Variants in NDUFB7 observed in about 807,000 individuals in gnomAD.
NDUFB7 encodes NADH:ubiquinone oxidoreductase subunit B7.
A neutral mutation model predicts 14.7 loss-of-function variants in NDUFB7; 18 were observed. The observed-to-expected ratio is 1.22, with a 90% CI of 0.85 to 1.81. NDUFB7 has a LOEUF of 1.81. Among genes scored for constraint, NDUFB7 ranks in the 40% most tolerant of loss-of-function variants. NDUFB7 has a pLI of 0.00. For missense variants in NDUFB7, 219 were observed against 195.0 expected (o/e 1.12, Z -0.73); for synonymous variants, 86 against 76.1 (o/e 1.13, Z -0.68).
At position 14,567,652 on chromosome 19, in the gene NDUFB7, C is replaced by T. The variant is rs769571354; in HGVS notation, c.113-719G>A. Among the ~76,000 whole-genome samples the T allele has an allele frequency of 1.3e-5, 2 of 152,082 alleles. No homozygotes were observed. The highest frequency in any genetic ancestry group is 2.1e-4 in the South Asian group (1 of 4,824). On this transcript the variant is annotated intron_variant, in intron 1 of 2. Coordinates refer to ENST00000215565, the MANE Select transcript of NDUFB7 (RefSeq NM_004146.6). The surrounding 1 kb of genome is among the most constrained non-coding windows in gnomAD (Gnocchi z 5.1). The stretch of plus-strand genomic sequence containing the variant: ...AGCCTGTGCCTGGCGATCCTGCACT[C>T]GTTCCCCACCGCCTCCCTCAGACCC...
chr19:14,566,842 C>G lies in NDUFB7; in HGVS notation c.204G>C (p.Lys68Asn). 1 of 1,562,094 alleles carries G rather than the reference C, an allele frequency of 6.4e-7. No homozygotes were observed. The highest frequency in any genetic ancestry group is 8.7e-7 in the Non-Finnish European group (1 of 1,154,932). ...YCAHHLIRLL[K>N]CKRDSFPNFL... ...AGTTGGGGAAGCTGTCACGCTTGCA[C>G]TTGAGCAGCCGGATGAGGTGGTGGG... Residue 68 changes from lysine to asparagine, a missense_variant, in exon 2 of 3, where the codon AAG becomes AAC. Coordinates refer to ENST00000215565, the MANE Select transcript of NDUFB7 (RefSeq NM_004146.6).
In NDUFB7 at chr19:14,566,910, T is replaced by C. The variant is rs1568436798; in HGVS notation, c.136A>G (p.Met46Val). ...TGGAGCCTCAGCTGCGCGTCCATCA[T>C]CTCCTGCTGTGTGGCCACCATCTCT... ...EREMVATQQE[M>V]MDAQLRLQLR... Residue 46 changes from methionine (M) to valine (V), a missense_variant, in exon 2 of 3, where the codon ATG (methionine) becomes GTG (valine). Physicochemically the swap from Met to Val is conservative, Grantham distance 21. Transcript: ENST00000215565. The C allele has an allele frequency of 1.3e-6, 2 of 1,584,886 alleles. No homozygotes were observed. The highest frequency in any genetic ancestry group is 1.8e-5 in the Admixed American group (1 of 56,936).
rs1490605031 is a variant in NDUFB7, at chr19:14,567,463, C to A, written c.113-530G>T. On this transcript the variant is annotated intron_variant, in intron 1 of 2. Transcript: ENST00000215565. This position sits in a 1 kb window ranked among gnomAD's most constrained non-coding sequence, Gnocchi z 5.1. ...GTCATGGAAGTTACCCGAGCATCCA[C>A]TGAGCTAACAGTACCTGTAAGGTAC... Among the ~76,000 whole-genome samples, 1 of 152,162 alleles carries A rather than the reference C, an allele frequency of 6.6e-6. No individual in the cohort carries two copies. The highest frequency in any genetic ancestry group is 3.2e-3 in the Middle Eastern group (1 of 316).
At chr19:14,568,833 T>C (rs1821986536) in intron 1 of NDUFB7, among the ~76,000 whole-genome samples, 1 of 151,986 alleles carries the variant, frequency 6.6e-6, no homozygotes, top group African/African-American at 2.4e-5. Flanking sequence ...ACCACCCCAC[T>C]GCACTCCAGC....
chr19:14,570,055 C>T (rs962724541), intron 1 of NDUFB7, among the ~76,000 whole-genome samples: 2 of 151,906 alleles, frequency 1.3e-5, no homozygotes, highest in African/African-American at 2.4e-5. Flanking sequence ...CCACACCTGG[C>T]TAATTTTTGT....
rs1484224511 is a variant in NDUFB7, at chr19:14,567,975, C to T, written c.113-1042G>A. Among the ~76,000 whole-genome samples, 2 of 152,300 alleles carry T rather than the reference C, an allele frequency of 1.3e-5. No homozygotes were observed. Among genetic ancestry groups the T allele is most frequent in the African/African-American group, 2.4e-5 (1 of 41,572 alleles). ...CCCGCTTCCTTCTTTCCTGTGGCTC[C>T]TCCCACATCCCTCCTCCCCAGGTTT... On this transcript the variant is annotated intron_variant, in intron 1 of 2. Coordinates refer to ENST00000215565, the MANE Select transcript of NDUFB7 (RefSeq NM_004146.6). This position sits in a 1 kb window ranked among gnomAD's most constrained non-coding sequence, Gnocchi z 5.1.
chr19:14,566,628 G>A (rs1001582747), intron 2 of NDUFB7, 137 bp downstream of exon 2: 5 of 788,728 alleles, frequency 6.3e-6, no homozygotes, highest in Non-Finnish European at 7.9e-6. Flanking sequence ...GGTGCAGGCT[G>A]TGGGTGTTGG....
rs1436514580 is a variant in NDUFB7, at chr19:14,566,136, C to CAGGG, written c.407_410dup (p.Ter138ProfsTer?). 1.2e-6 allele frequency: 2 copies of CAGGG among 1,610,054 alleles called. No individual in the cohort carries two copies. The highest frequency in any genetic ancestry group is 2.7e-5 in the African/African-American group (2 of 74,884). On this transcript the variant is annotated frameshift_variant, in exon 3 of 3. Transcript: ENST00000215565. LOFTEE classifies it high-confidence loss of function. ...CATAGGGTGGGGGGTGCACCCCCTA[C>CAGGG]AGGGCCACCTTGGGGTCCACTTCCC... is the stretch of plus-strand genomic sequence containing the variant.
At position 14,566,154 on chromosome 19, in the gene NDUFB7, C is replaced by G; in HGVS notation, c.393G>C (p.Val131=). The G allele has an allele frequency of 1.2e-6, 2 of 1,612,476 alleles. No homozygotes were observed. The highest frequency in any genetic ancestry group is 2.2e-5 in the South Asian group (2 of 90,832). The part of the protein sequence containing the change: ...ELAKGQGPGE[V]DPKVAL ...CCCCCTACAGGGCCACCTTGGGGTC[C>G]ACTTCCCCGGGTCCCTGGCCTTTGG... The change falls in exon 3 of 3, where the codon GTG becomes GTC. Residue 131 remains valine, a synonymous_variant. Coordinates refer to ENST00000215565, the MANE Select transcript of NDUFB7 (RefSeq NM_004146.6).
At position 14,566,880 on chromosome 19, in the gene NDUFB7, G is replaced by C. The variant is rs1360890993; in HGVS notation, c.166C>G (p.Arg56Gly). The stretch of plus-strand genomic sequence containing the variant: ...ATGAGGTGGTGGGCGCAGTAGTCCC[G>C]CAGCTGGAGCCTCAGCTGCGCGTCC... ...MMDAQLRLQL[R>G]DYCAHHLIRL... Residue 56 changes from arginine (R) to glycine (G), a missense_variant, in exon 2 of 3, where the codon CGG becomes GGG. Arg to Gly is a moderately radical substitution (Grantham distance 125). Transcript: ENST00000215565. The C allele has an allele frequency of 6.3e-7, 1 of 1,579,008 alleles. No individual in the cohort carries two copies. The highest frequency in any genetic ancestry group is 8.6e-7 in the Non-Finnish European group (1 of 1,165,542).
Position 14,567,818 on chromosome 19 carries a change from G to A in NDUFB7, c.113-885C>T, listed in dbSNP as rs1180075533. On this transcript the variant is annotated intron_variant, in intron 1 of 2. Transcript: ENST00000215565. The surrounding 1 kb of genome is among the most constrained non-coding windows in gnomAD (Gnocchi z 5.1). ...TCTCTCCCCTTTGCTTCCCAGCTGC[G>A]ATTCTCTCATCCCACTGAGGCCCAG... Among the ~76,000 whole-genome samples, 1 of 152,028 alleles carries A rather than the reference G, an allele frequency of 6.6e-6. No individual in the cohort carries two copies. Among genetic ancestry groups the A allele is most frequent in the African/African-American group, 2.4e-5 (1 of 41,388 alleles).
chr19:14,571,832 G>C (rs1042942827), intron 1 of NDUFB7, 57 bp downstream of exon 1: 1 of 1,516,986 alleles, frequency 6.6e-7, no homozygotes, highest in African/African-American at 1.4e-5. Flanking sequence ...TGGGGTGCCA[G>C]GTGTTCAGGC....
chr19:14,571,152 G>T (rs1245962996), intron 1 of NDUFB7, among the ~76,000 whole-genome samples: 2 of 152,050 alleles, frequency 1.3e-5, no homozygotes, highest in Non-Finnish European at 2.9e-5. Flanking sequence ...GCAAGATCCC[G>T]TCTCAAAGCA....
chr19:14,566,682 C>A, intron 2 of NDUFB7, 83 bp downstream of exon 2: 1 of 1,059,518 alleles, frequency 9.4e-7, no homozygotes, highest in Non-Finnish European at 1.2e-6. Flanking sequence ...ATGTGGGGGG[C>A]TTGGGTGGGC....
chr19:14,568,382 TGA>T (rs2074105798), intron 1 of NDUFB7, among the ~76,000 whole-genome samples: 1 of 152,192 alleles, frequency 6.6e-6, no homozygotes, highest in Non-Finnish European at 1.5e-5. Flanking sequence ...CGTATGTAGA[TGA>T]GCCCGATGTG....
Position 14,566,230 on chromosome 19 carries a change from C to G in NDUFB7, c.317G>C (p.Arg106Pro). 6.2e-7 allele frequency: 1 copy of G among 1,614,078 alleles called. No individual in the cohort carries two copies. Among genetic ancestry groups the G allele is most frequent in the Non-Finnish European group, 8.5e-7 (1 of 1,180,014 alleles). Residue 106 changes from arginine to proline, a missense_variant, in exon 3 of 3, where the codon CGG (arginine) becomes CCG (proline). Physicochemically the swap from Arg to Pro is moderately radical, Grantham distance 103 (BLOSUM62 -2). Coordinates refer to ENST00000215565, the MANE Select transcript of NDUFB7 (RefSeq NM_004146.6). Reference sequence around the variant, plus strand: ...CCGCTTCTTCCGCTGGAGCAGCCTCCGCTCCCGCTCAAACTCCTTCATGCG... The same window carrying G: ...CCGCTTCTTCCGCTGGAGCAGCCTCGGCTCCCGCTCAAACTCCTTCATGCG... ...VMRMKEFERE[R>P]RLLQRKKRRE...
Position 14,571,946 on chromosome 19 carries a change from G to C in NDUFB7, c.55C>G (p.Pro19Ala), listed in dbSNP as rs373549498. The change falls in exon 1 of 3, where the codon CCC becomes GCC. Residue 19 changes from proline to alanine, a missense_variant. Transcript: ENST00000215565. ...GGCGGGAAGGTTGGCATCTGCAGGG[G>C]GTCGGGCTCCACCGAGGCATCGCCC... ...YLGDASVEPDPLQMPTFPPDY... is the reference protein window; with the variant it reads ...YLGDASVEPDALQMPTFPPDY... 1.2e-6 allele frequency: 2 copies of C among 1,611,820 alleles called. No homozygotes were observed. Among genetic ancestry groups the C allele is most frequent in the Admixed American group, 1.7e-5 (1 of 59,718 alleles).
intron 1 of NDUFB7, among the ~76,000 whole-genome samples, chr19:14,569,003 T>C (rs2074109374): frequency 1.3e-5 from 2 of 152,096 alleles, no homozygotes; most frequent in Admixed American, 1.3e-4. Context: ...GGTAAAACCC[T>C]GTCTCTACTA....
At chr19:14,571,707 G>A (rs2074125964) in intron 1 of NDUFB7, among the ~76,000 whole-genome samples, 182 bp downstream of exon 1, 1 of 152,204 alleles carries the variant, frequency 6.6e-6, no homozygotes, top group Non-Finnish European at 1.5e-5. Context: ...CCGTGCCCTT[G>A]GGCTGGAACG....
Sources: allele counts gnomAD v4.1 joint callset (sites outside exome capture counted in the v4.1 genomes callset), GRCh38; gene constraint gnomAD v4.1.1; non-coding constraint Gnocchi (gnomAD v3.1); transcripts MANE v1.5; gene names NCBI Gene and HGNC (gene_info 2026-07-23, HGNC 2026-07-21).